The following CCDC85C variants were observed in gnomAD, a reference collection of about 807,000 sequenced individuals.
CCDC85C encodes coiled-coil domain containing 85C, also known as coiled-coil domain-containing protein 85C.
In CCDC85C, 18 loss-of-function variants were observed where a neutral mutation model predicts 38.3. The observed-to-expected ratio is 0.47, with a 90% CI of 0.33 to 0.70. The LOEUF (loss-of-function observed/expected upper bound fraction) is 0.70, where lower values mean the gene tolerates loss of function less well. Among genes scored for constraint, CCDC85C ranks in the 30% least tolerant of loss-of-function variants. The pLI, the probability that CCDC85C is intolerant of heterozygous loss-of-function variation, is 0.03. For missense variants in CCDC85C, 566 were observed against 621.2 expected, an observed-to-expected ratio of 0.91 and a Z score of 0.94; for synonymous variants, 264 against 293.8, an observed-to-expected ratio of 0.90 and a Z score of 1.04.
intron 1 of CCDC85C, among the ~76,000 whole-genome samples, chr14:99,581,121 A>G (rs950941201): frequency 2.6e-5 from 4 of 152,118 alleles, no homozygotes; most frequent in African/African-American, 9.7e-5. Context: ...GCTGAAGCAA[A>G]GAGGAGGAGT....
Position 99,576,174 on chromosome 14 carries a change from GACC to G in CCDC85C, c.793+26990_793+26992del, listed in dbSNP as rs1251638089. On this transcript the variant is annotated intron_variant, in intron 1 of 5. Coordinates refer to ENST00000380243, the MANE Select transcript of CCDC85C (RefSeq NM_001144995.2). The surrounding 1 kb of genome is among the most constrained non-coding windows in gnomAD (Gnocchi z 4.8). ...CAGGGGTACATCCAAGGCATAAACA[GACC>G]ACAAGTCAAACTGTGACCTTGGGTG... Among the ~76,000 whole-genome samples the G allele has an allele frequency of 6.6e-6, 1 of 152,234 alleles. No homozygotes were observed. Among genetic ancestry groups the G allele is most frequent in the Non-Finnish European group, 1.5e-5 (1 of 68,040 alleles).
At chr14:99,523,729 G>T (rs142022039) in intron 2 of CCDC85C, among the ~76,000 whole-genome samples, 4 of 152,198 alleles carry the variant, frequency 2.6e-5, no homozygotes, top group Non-Finnish European at 5.9e-5. Context: ...TTCCTGCAGG[G>T]CCCCCAAAGT....
rs1469346271 is a variant in CCDC85C, at chr14:99,511,497, A to G, written c.*3749T>C. ...GACTCCTTCAGTCAGTTATCCAAATAAAAGCAGTTCTGAAACTATCCCTTT... is the reference window on the plus strand; with the variant it reads ...GACTCCTTCAGTCAGTTATCCAAATGAAAGCAGTTCTGAAACTATCCCTTT... On this transcript the variant is annotated 3_prime_UTR_variant, in exon 6 of 6. Coordinates refer to ENST00000380243, the MANE Select transcript of CCDC85C (RefSeq NM_001144995.2). 6.6e-6 allele frequency: 1 copy of G among 152,616 alleles called. No individual in the cohort carries two copies. 9.5% of individuals were successfully genotyped at this position (152,616 alleles called of 1,614,324 possible). A position where few individuals can be genotyped will look rare whatever the true frequency, so the allele number is the denominator to read the frequency against.
Position 99,603,022 on chromosome 14 carries a change from C to T in CCDC85C, c.793+145G>A. On this transcript the variant is annotated intron_variant, in intron 1 of 5. Transcript: ENST00000380243. This position sits in a 1 kb window ranked among gnomAD's most constrained non-coding sequence, Gnocchi z 7.5. Reference sequence around the variant, plus strand: ...CCCACTTTGGGTGAGTGCGGGATCCCCTGGCCCAGGATCCATGACAGCTGG... The same window carrying T: ...CCCACTTTGGGTGAGTGCGGGATCCTCTGGCCCAGGATCCATGACAGCTGG... 1 of 1,107,314 alleles carries T rather than the reference C, an allele frequency of 9.0e-7. No homozygotes were observed. Among genetic ancestry groups the T allele is most frequent in the Non-Finnish European group, 1.1e-6 (1 of 871,742 alleles). The allele number at this position is 1,107,314 out of a possible 1,614,324, so 68.6% of individuals were successfully genotyped here. A position where few individuals can be genotyped will look rare whatever the true frequency, so the allele number is the denominator to read the frequency against.
chr14:99,525,737 C>T lies in CCDC85C; in HGVS notation c.868-3497G>A, dbSNP rs1897372461. 2.0e-5 allele frequency among the ~76,000 whole-genome samples: 3 copies of T among 152,218 alleles called. No homozygotes were observed. In the South Asian group the frequency reaches 6.2e-4, roughly 31 times the overall value. On this transcript the variant is annotated intron_variant, in intron 2 of 5. Transcript: ENST00000380243. ...TGTGTCCCCACCTGGGCAGCCTGCC[C>T]GCAAGTGACCACTTGGACCACCAGA...
intron 1 of CCDC85C, among the ~76,000 whole-genome samples, chr14:99,598,849 G>C (rs1399629630): frequency 3.3e-5 from 5 of 152,200 alleles, no homozygotes; most frequent in Admixed American, 1.3e-4. Context: ...GAATGGAATT[G>C]GGACTGGGAT....
intron 1 of CCDC85C, among the ~76,000 whole-genome samples, chr14:99,560,038 C>T (rs1453790270): frequency 6.6e-6 from 1 of 151,870 alleles, no homozygotes; most frequent in African/African-American, 2.4e-5. Flanking sequence ...CACCTAGGCC[C>T]CACTCACCCC....
At chr14:99,523,709 G>C (rs1407971837) in intron 2 of CCDC85C, among the ~76,000 whole-genome samples, 9 of 152,142 alleles carry the variant, frequency 5.9e-5, no homozygotes, top group African/African-American at 2.2e-4. Context: ...CAGAGAAGTG[G>C]GAACCAACCT....
Position 99,505,404 on chromosome 14 carries a change from A to G in CCDC85C, c.*9842T>C, listed in dbSNP as rs995752406. The G allele has an allele frequency of 6.6e-6, 1 of 152,400 alleles. No homozygotes were observed. The highest frequency in any genetic ancestry group is 6.5e-5 in the Admixed American group (1 of 15,308). The allele number at this position is 152,400 out of a possible 1,614,324, so 9.4% of individuals were successfully genotyped here. On this transcript the variant is annotated 3_prime_UTR_variant, in exon 6 of 6. Coordinates refer to ENST00000380243, the MANE Select transcript of CCDC85C (RefSeq NM_001144995.2). ...CAAATTCTGAAGCACTGACAATGCA[A>G]AATACACAGAGATTTCCAAGAAAGG...
At chr14:99,522,408 C>T (rs1256324016) in intron 2 of CCDC85C, 168 bp from the exon 3 acceptor site, 16 of 554,496 alleles carry the variant, frequency 2.9e-5, no homozygotes, top group Non-Finnish European at 4.8e-5. Flanking sequence ...CGGGATCAAT[C>T]GATCTTCACT....
chr14:99,599,400 G>C (rs1485225516), intron 1 of CCDC85C, among the ~76,000 whole-genome samples: 2 of 152,176 alleles, frequency 1.3e-5, no homozygotes, highest in Non-Finnish European at 2.9e-5. Context: ...CATGGTGCCT[G>C]TCGTGGGGCA....
chr14:99,522,237 C>G lies in CCDC85C; in HGVS notation c.871G>C (p.Ala291Pro), dbSNP rs1361308519. 1 of 1,546,964 alleles carries G rather than the reference C, an allele frequency of 6.5e-7. No individual in the cohort carries two copies. The highest frequency in any genetic ancestry group is 2.0e-5 in the Admixed American group (1 of 50,970). ...LEGDKLLAQQ[A>P]GSGEFRTLRK... ...AGCGTGCGGAACTCTCCGGAGCCTG[C>G]CTGCTGCAGGGGAGAGAAGGAGAGG... is the stretch of plus-strand genomic sequence containing the variant. The change falls in exon 3 of 6, where the codon GCA (alanine) becomes CCA (proline). Residue 291 changes from alanine to proline, a missense_variant. By Grantham distance (27) the Ala-to-Pro change is conservative. Around this residue, in one of 3 missense-constraint regions of CCDC85C, gnomAD observed 286 missense variants for 276.4 expected, o/e 1.03. Coordinates refer to ENST00000380243, the MANE Select transcript of CCDC85C (RefSeq NM_001144995.2).
chr14:99,578,881 C>G (rs957544856), intron 1 of CCDC85C, among the ~76,000 whole-genome samples: 9 of 152,044 alleles, frequency 5.9e-5, no homozygotes, highest in African/African-American at 2.2e-4. Context: ...GTGGAAGGCT[C>G]TAGGTGACAG....
chr14:99,549,041 G>A (rs1003504797), intron 1 of CCDC85C, among the ~76,000 whole-genome samples: 7 of 152,150 alleles, frequency 4.6e-5, no homozygotes, highest in Non-Finnish European at 1.5e-5. Flanking sequence ...GAAAAGTCGG[G>A]GAGGGAGGAG....
intron 1 of CCDC85C, among the ~76,000 whole-genome samples, chr14:99,562,441 G>A (rs532595567): frequency 6.6e-6 from 1 of 152,328 alleles, no homozygotes; most frequent in Admixed American, 6.5e-5. Flanking sequence ...TCAGGCACAT[G>A]GTGCATGAGA....
chr14:99,603,565 G>T lies in CCDC85C; in HGVS notation c.395C>A (p.Ala132Glu), dbSNP rs1187515584. 8.6e-6 allele frequency: 12 copies of T among 1,395,250 alleles called. No homozygotes were observed. The East Asian group carries it at 3.7e-4, about 43-fold the overall frequency. The allele number at this position is 1,395,250 out of a possible 1,614,324, so 86.4% of individuals were successfully genotyped here. The change falls in exon 1 of 6, where the codon GCG (alanine) becomes GAG (glutamate). Residue 132 changes from alanine (A) to glutamate (E), a missense_variant. Physicochemically the swap from Ala to Glu is moderately radical, Grantham distance 107 (BLOSUM62 -1). Coordinates refer to ENST00000380243, the MANE Select transcript of CCDC85C (RefSeq NM_001144995.2). This position sits in a 1 kb window ranked among gnomAD's most constrained non-coding sequence, Gnocchi z 7.5. The stretch of plus-strand genomic sequence containing the variant: ...CTCGCGCAGCAGGGCCTCCTGGCGC[G>T]CCTCGAGCTCGCGCAGCTTCTGCTG... ...RSQQKLRELE[A>E]RQEALLRENL...
chr14:99,581,784 G>A (rs969208051), intron 1 of CCDC85C, among the ~76,000 whole-genome samples: 2 of 152,244 alleles, frequency 1.3e-5, no homozygotes, highest in African/African-American at 2.4e-5. Flanking sequence ...CCCCAGATGT[G>A]AGCAGCTATT....
Position 99,544,541 on chromosome 14 carries a change from C to T in CCDC85C, c.794-8453G>A, listed in dbSNP as rs78650013. 0.017 allele frequency among the ~76,000 whole-genome samples: 2,553 copies of T among 152,024 alleles called. 74 individuals are homozygous for T. The highest frequency in any genetic ancestry group is 0.058 in the African/African-American group (2,417 of 41,418). On this transcript the variant is annotated intron_variant, in intron 1 of 5. Transcript: ENST00000380243. This position sits in a 1 kb window ranked among gnomAD's most constrained non-coding sequence, Gnocchi z 5.3. ...GTCTGTGTGTCTGTGTGTTCCCACA[C>T]CCAGGACTCTTCTAGACAACCCACT...
intron 1 of CCDC85C, among the ~76,000 whole-genome samples, chr14:99,549,363 G>A (rs906558424): frequency 1.3e-5 from 2 of 152,180 alleles, no homozygotes; most frequent in Non-Finnish European, 2.9e-5. Flanking sequence ...ACCTCCTTGG[G>A]TGCCACCCAC....
Sources: gnomAD v4.1 joint callset for allele counts (sites outside exome capture counted in the v4.1 genomes callset) on GRCh38, gnomAD v4.1.1 for gene constraint, gnomAD v4.1.1 regional missense constraint, Gnocchi (gnomAD v3.1) non-coding constraint, MANE v1.5 for transcripts, NCBI Gene and HGNC (gene_info 2026-07-23, HGNC 2026-07-21) for gene names.